Variants in RPGRIP1 observed in about 807,000 individuals in gnomAD.
The protein encoded by RPGRIP1 is X-linked retinitis pigmentosa GTPase regulator-interacting protein 1.
Under a neutral mutation model 157.9 loss-of-function variants are expected in RPGRIP1, and 128 were observed. The observed-to-expected ratio is 0.81, with a 90% confidence interval of 0.70 to 0.94. The LOEUF (loss-of-function observed/expected upper bound fraction) is 0.94. RPGRIP1 is among the 40% of genes least tolerant of loss of function. The pLI, the probability that RPGRIP1 is intolerant of heterozygous loss-of-function variation, is 0.00. For missense variants in RPGRIP1, 1,486 were observed against 1,545.8 expected, an observed-to-expected ratio of 0.96 and a Z score of 0.65; for synonymous variants, 554 against 571.6, an observed-to-expected ratio of 0.97 and a Z score of 0.44.
At chr14:21,347,806 G>A (rs891636304) in intron 23 of RPGRIP1, among the ~76,000 whole-genome samples, 1 of 152,128 alleles carries the variant, frequency 6.6e-6, no homozygotes, top group African/African-American at 2.4e-5. Context: ...ACAGCCCACT[G>A]CATCCTCGAC....
chr14:21,304,389 GAGAA>G (rs4058350), intron 6 of RPGRIP1, among the ~76,000 whole-genome samples: 24,767 of 120,342 alleles, frequency 0.21, 2,460 homozygotes, highest in Middle Eastern at 0.25. Context: ...GAAGGAGAGA[GAGAA>G]AGAAAGAAAG....
At chr14:21,321,802 C>G (rs1283916542) in intron 13 of RPGRIP1, 52 bp from the exon 14 acceptor site, 9 of 1,571,544 alleles carry the variant, frequency 5.7e-6, no homozygotes, top group Non-Finnish European at 6.9e-6. Context: ...TTTTTATGCT[C>G]TTTGGTTTTA....
intron 21 of RPGRIP1, among the ~76,000 whole-genome samples, chr14:21,338,406 C>T (rs938608978): frequency 2.6e-5 from 4 of 152,104 alleles, no homozygotes; most frequent in Non-Finnish European, 5.9e-5. Flanking sequence ...GGCAGCCCTG[C>T]CCCCCAGCCA....
At chr14:21,316,491 G>A (rs1238507894) in intron 10 of RPGRIP1, among the ~76,000 whole-genome samples, 3 of 151,988 alleles carry the variant, frequency 2.0e-5, no homozygotes, top group African/African-American at 7.3e-5. Context: ...ATCTCAGCTC[G>A]CTGCAGTGTC....
chr14:21,327,978 G>A (rs1468299811), intron 18 of RPGRIP1, among the ~76,000 whole-genome samples, 171 bp downstream of exon 18: 1 of 152,172 alleles, frequency 6.6e-6, no homozygotes, highest in African/African-American at 2.4e-5. Context: ...AGACCAGCCT[G>A]ACCAACATGG....
intron 6 of RPGRIP1, among the ~76,000 whole-genome samples, chr14:21,306,047 C>T (rs1881284461): frequency 6.7e-6 from 1 of 150,088 alleles, no homozygotes; most frequent in Non-Finnish European, 1.5e-5. Flanking sequence ...AAATCCTCCC[C>T]AGTATCTCTT....
At chr14:21,331,107 C>G (rs1157632547) in intron 20 of RPGRIP1, among the ~76,000 whole-genome samples, 1 of 151,904 alleles carries the variant, frequency 6.6e-6, no homozygotes, top group South Asian at 2.1e-4. Context: ...CAGGTTTTCT[C>G]CATGTTGGTC....
At chr14:21,340,834 C>T (rs1231171629) in intron 21 of RPGRIP1, among the ~76,000 whole-genome samples, 1 of 152,128 alleles carries the variant, frequency 6.6e-6, no homozygotes, top group Non-Finnish European at 1.5e-5. Context: ...ATGCATTCTC[C>T]TATTCCACTA....
intron 1 of RPGRIP1, among the ~76,000 whole-genome samples, chr14:21,284,822 G>A (rs1182535626): frequency 6.6e-6 from 1 of 152,074 alleles, no homozygotes; most frequent in Non-Finnish European, 1.5e-5. Flanking sequence ...AAAGTACTGC[G>A]AATACAGGCG....
chr14:21,282,918 A>G (rs1257850632), intron 1 of RPGRIP1, among the ~76,000 whole-genome samples: 1 of 151,720 alleles, frequency 6.6e-6, no homozygotes, highest in Non-Finnish European at 1.5e-5. Flanking sequence ...CCTACATTCC[A>G]CTTTTTCATT....
At chr14:21,289,388 T>C (rs1299607696) in intron 2 of RPGRIP1, among the ~76,000 whole-genome samples, 1 of 152,092 alleles carries the variant, frequency 6.6e-6, no homozygotes, top group Non-Finnish European at 1.5e-5. Flanking sequence ...GGCTCACACC[T>C]GCACCAGCTA....
chr14:21,335,559 G>A (rs1422011428), intron 21 of RPGRIP1, among the ~76,000 whole-genome samples: 4 of 152,120 alleles, frequency 2.6e-5, no homozygotes, highest in South Asian at 4.1e-4. Context: ...AGCCGGTTGC[G>A]GTGGCTCACG....
chr14:21,280,600 TAC>T (rs556603773), intron 1 of RPGRIP1, among the ~76,000 whole-genome samples: 227 of 152,226 alleles, frequency 1.5e-3, no homozygotes, highest in African/African-American at 3.8e-3. Context: ...AGCACAACAT[TAC>T]CAAGTCATCT....
At chr14:21,287,128 T>C (rs903959432) in intron 1 of RPGRIP1, among the ~76,000 whole-genome samples, 9 of 151,690 alleles carry the variant, frequency 5.9e-5, no homozygotes, top group African/African-American at 2.2e-4. Flanking sequence ...CCAGGTGTGG[T>C]GGCTCACGCC....
At chr14:21,326,235 T>C in intron 17 of RPGRIP1, 62 bp downstream of exon 17, 1 of 1,108,506 alleles carries the variant, frequency 9.0e-7, no homozygotes, top group South Asian at 1.7e-5. Context: ...CCTGTCCTGA[T>C]TCTACTTTTC....
At position 21,300,819 on chromosome 14, in the gene RPGRIP1, C is replaced by T. The variant is rs1880992962; in HGVS notation, c.219-147C>T. On this transcript the variant is annotated intron_variant, in intron 3 of 24. Transcript: ENST00000400017. ...TCAAAGAGTTACAGTGTACTGGGGA[C>T]AGAAGGCTAATCTTTTTAAAGTGTG... is the stretch of plus-strand genomic sequence containing the variant. 6 of 872,468 alleles carry T rather than the reference C, an allele frequency of 6.9e-6. No individual in the cohort carries two copies. The Admixed American group carries it at 9.0e-5, about 13-fold the overall frequency. 54.0% of individuals were successfully genotyped at this position (872,468 alleles called of 1,614,324 possible).
intron 6 of RPGRIP1, among the ~76,000 whole-genome samples, chr14:21,306,412 C>T (rs1881308074): frequency 1.3e-5 from 2 of 151,368 alleles, no homozygotes; most frequent in African/African-American, 4.9e-5. Flanking sequence ...GGATTACAGG[C>T]GTGAGCCCCT....
At chr14:21,282,098 A>G (rs1337141479) in intron 1 of RPGRIP1, among the ~76,000 whole-genome samples, 1 of 152,152 alleles carries the variant, frequency 6.6e-6, no homozygotes, top group East Asian at 1.9e-4. Flanking sequence ...CTGTCTCGAA[A>G]AAAGAGGAAA....
chr14:21,350,129 A>G (rs1886051045), intron 24 of RPGRIP1, among the ~76,000 whole-genome samples: 1 of 152,164 alleles, frequency 6.6e-6, no homozygotes, highest in South Asian at 2.1e-4. Flanking sequence ...TAATCCCAGC[A>G]CTTTGGGATG....
Sources: gnomAD v4.1 joint callset for allele counts (sites outside exome capture counted in the v4.1 genomes callset) on GRCh38, gnomAD v4.1.1 for gene constraint, MANE v1.5 for transcripts, NCBI Gene and HGNC (gene_info 2026-07-23, HGNC 2026-07-21) for gene names.